MAPK10: variants seen among roughly 807,000 people sequenced by gnomAD.
MAPK10 encodes the protein mitogen-activated protein kinase 10.
A neutral mutation model predicts 59.3 loss-of-function variants in MAPK10; 25 were observed. That is an observed-to-expected ratio of 0.42 (90% confidence interval 0.31 to 0.59). The LOEUF (loss-of-function observed/expected upper bound fraction) is 0.59. MAPK10 is among the 20% of genes least tolerant of loss of function. MAPK10 has a pLI of 0.15. For synonymous variants in MAPK10, 190 were observed against 200.5 expected (o/e 0.95, Z 0.44); for missense variants, 351 against 568.9 (o/e 0.62, Z 3.90).
At chr4:86,327,327 C>T (rs1007217511) in intron 2 of MAPK10, 5 of 151,942 alleles carry the variant, frequency 3.3e-5, no homozygotes, top group African/African-American at 4.8e-5. Flanking sequence ...TTGAATATTC[C>T]AAGTGAAGTT....
In MAPK10 at chr4:86,146,576, C is replaced by T. The variant is rs1047889851; in HGVS notation, c.236+12722G>A. Among the ~76,000 whole-genome samples, 6 of 152,242 alleles carry T rather than the reference C, an allele frequency of 3.9e-5. No homozygotes were observed. The East Asian group carries it at 7.7e-4, about 20-fold the overall frequency. On this transcript the variant is annotated intron_variant, in intron 4 of 13. Transcript: ENST00000641462. ...AGGTGGAATGTGAGCAAAAGGGAAA[C>T]GCACCACTTCCAGGCCTGGCCCACA...
upstream of MAPK10, among the ~76,000 whole-genome samples, chr4:86,361,390 C>G (rs142684880): frequency 4.6e-5 from 7 of 152,220 alleles, no homozygotes; most frequent in Non-Finnish European, 8.8e-5. Flanking sequence ...AATGGGCCTA[C>G]CTGCAAGATA....
chr4:86,364,947 T>C (rs1737595383), upstream of MAPK10, among the ~76,000 whole-genome samples: 1 of 152,048 alleles, frequency 6.6e-6, no homozygotes, highest in African/African-American at 2.4e-5. Context: ...ACCACTGCAC[T>C]CCAGTTTGAG....
At chr4:86,278,900 G>A (rs1225455504) in intron 2 of MAPK10, among the ~76,000 whole-genome samples, 1 of 152,096 alleles carries the variant, frequency 6.6e-6, no homozygotes, top group East Asian at 1.9e-4. Flanking sequence ...AGATTGGAGG[G>A]GATTAAGGAC....
intron 1 of MAPK10, among the ~76,000 whole-genome samples, chr4:86,543,895 T>C (rs1198486228): frequency 3.9e-5 from 6 of 152,080 alleles, no homozygotes; most frequent in Non-Finnish European, 5.9e-5. Flanking sequence ...CAAACAAAAA[T>C]ACCAACAACA....
intron 4 of MAPK10, among the ~76,000 whole-genome samples, chr4:86,112,989 T>A (rs2057741366): frequency 6.6e-6 from 1 of 152,068 alleles, no homozygotes; most frequent in Non-Finnish European, 1.5e-5. Flanking sequence ...CTTTTTTTTT[T>A]TATCTTTGTT....
At chr4:86,419,251 C>A (rs181933052) in intron 1 of MAPK10, among the ~76,000 whole-genome samples, 259 of 152,240 alleles carry the variant, frequency 1.7e-3, no homozygotes, top group African/African-American at 5.8e-3. Flanking sequence ...CTTATCATAT[C>A]TCTACGTGTT....
intron 1 of MAPK10, among the ~76,000 whole-genome samples, chr4:86,547,713 C>T (rs1327563181): frequency 6.6e-6 from 1 of 152,208 alleles, no homozygotes; most frequent in Non-Finnish European, 1.5e-5. Flanking sequence ...GCTCCTGAGT[C>T]TAGTGGGGAT....
intron 1 of MAPK10, among the ~76,000 whole-genome samples, chr4:86,461,755 A>G (rs1234165941): frequency 2.0e-5 from 3 of 152,162 alleles, no homozygotes; most frequent in Non-Finnish European, 4.4e-5. Context: ...TTTGAAGAAA[A>G]AGAGTGGCCT....
intron 2 of MAPK10, among the ~76,000 whole-genome samples, chr4:86,263,373 C>T (rs897832037): frequency 6.6e-6 from 1 of 152,158 alleles, no homozygotes; most frequent in East Asian, 1.9e-4. Flanking sequence ...CTTGGTTCAA[C>T]CACCAGCCAT....
intron 9 of MAPK10, chr4:86,080,575 G>A (rs1035887636): frequency 6.6e-6 from 1 of 151,734 alleles, no homozygotes; most frequent in Non-Finnish European, 1.5e-5. Flanking sequence ...TACTTCGGGA[G>A]AAAAAAATAA....
At chr4:86,539,012 C>T (rs962770161) in intron 1 of MAPK10, among the ~76,000 whole-genome samples, 2 of 152,076 alleles carry the variant, frequency 1.3e-5, no homozygotes, top group Admixed American at 6.6e-5. Context: ...ATAGGCACAT[C>T]AGCTTGAGTC....
At chr4:86,551,576 T>TTCTCTC (rs146552435) in intron 1 of MAPK10, among the ~76,000 whole-genome samples, 4 of 149,160 alleles carry the variant, frequency 2.7e-5, no homozygotes, top group African/African-American at 9.9e-5. Flanking sequence ...CTCTCTTTCT[T>TTCTCTC]TCTCTCTCTC....
chr4:86,537,293 C>A (rs777579442), intron 1 of MAPK10, among the ~76,000 whole-genome samples: 151 of 152,094 alleles, frequency 9.9e-4, no homozygotes, highest in Non-Finnish European at 1.8e-3. Context: ...TGATAGATGG[C>A]AACTATAGGC....
At chr4:86,050,494 G>C (rs889735488) in intron 11 of MAPK10, among the ~76,000 whole-genome samples, 1 of 152,076 alleles carries the variant, frequency 6.6e-6, no homozygotes, top group Non-Finnish European at 1.5e-5. Context: ...GTCTCCCAGT[G>C]CCATGACCTT....
intron 5 of MAPK10, 41 bp downstream of exon 5, chr4:86,107,182 C>A: frequency 6.5e-7 from 1 of 1,533,794 alleles, no homozygotes. Context: ...TCCAATCTTA[C>A]AAACTCCCAC....
chr4:86,569,075 C>T (rs928673021), intron 1 of MAPK10, among the ~76,000 whole-genome samples: 2 of 151,978 alleles, frequency 1.3e-5, no homozygotes, highest in African/African-American at 4.8e-5. Flanking sequence ...TATCCAGAAT[C>T]TACAAGGAAT....
intron 2 of MAPK10, among the ~76,000 whole-genome samples, chr4:86,221,972 T>C (rs1287310721): frequency 1.3e-5 from 2 of 152,098 alleles, no homozygotes; most frequent in Admixed American, 6.6e-5. Context: ...AACCTCCCCC[T>C]CTCTCTCTTG....
At chr4:86,252,382 T>C (rs879680934) in intron 2 of MAPK10, among the ~76,000 whole-genome samples, 1,860 of 109,616 alleles carry the variant, frequency 0.017, 8 homozygotes, top group African/African-American at 0.023. Flanking sequence ...GTTTCAGCTT[T>C]CTACATATGG....
Sources: gnomAD v4.1 joint callset for allele counts (sites outside exome capture counted in the v4.1 genomes callset) on GRCh38, gnomAD v4.1.1 for gene constraint, MANE v1.5 for transcripts, NCBI Gene and HGNC (gene_info 2026-07-23, HGNC 2026-07-21) for gene names.